Variants in CDK8 observed in about 807,000 individuals in gnomAD.
The protein encoded by CDK8 is cyclin dependent kinase 8.
A neutral mutation model predicts 71.5 loss-of-function variants in CDK8; 29 were observed. That is an observed-to-expected ratio of 0.41 (90% confidence interval 0.30 to 0.55). The LOEUF is 0.55. Ranked by LOEUF, CDK8 falls within the 20% of genes least tolerant of loss-of-function variation. The probability of loss-of-function intolerance (pLI) is 0.37; values close to 1 mark genes in which losing one functional copy is unlikely to be tolerated. For synonymous variants in CDK8, 161 were observed against 192.1 expected (o/e 0.84, Z 1.34); for missense variants, 288 against 572.6 (o/e 0.50, Z 5.07).
chr13:26,254,589 A>AC lies in CDK8; in HGVS notation c.-49dup. 1.4e-5 allele frequency: 10 copies of AC among 702,978 alleles called. No individual in the cohort carries two copies. The highest frequency in any genetic ancestry group is 8.3e-5 in the Admixed American group (3 of 36,008). The allele number at this position is 702,978 out of a possible 1,614,324, so 43.5% of individuals were successfully genotyped here. On this transcript the variant is annotated 5_prime_UTR_variant, in exon 1 of 13. Coordinates refer to ENST00000381527, the MANE Select transcript of CDK8 (RefSeq NM_001260.3). This position sits in a 1 kb window ranked among gnomAD's most constrained non-coding sequence, Gnocchi z 6.7. Reference sequence around the variant, plus strand: ...GGCTGCCCGTGCTTCCCCGGTCCCCACCCCTGCCCCCCGGCCCCCCGACCC... The same window carrying AC: ...GGCTGCCCGTGCTTCCCCGGTCCCCACCCCCTGCCCCCCGGCCCCCCGACCC...
chr13:26,321,598 A>G (rs1450673063), intron 1 of CDK8, among the ~76,000 whole-genome samples: 3 of 152,192 alleles, frequency 2.0e-5, no homozygotes, highest in African/African-American at 7.2e-5. Context: ...GTAATAAGCT[A>G]TGTAAACTAT....
chr13:26,332,488 C>CATATATATATATAT (rs71188722), intron 1 of CDK8, among the ~76,000 whole-genome samples: 1 of 148,210 alleles, frequency 6.7e-6, no homozygotes, highest in East Asian at 2.0e-4. Context: ...CCATATAATA[C>CATATATATATATAT]ATATATATAT....
chr13:26,254,857 G>T lies in CDK8; in HGVS notation c.128+88G>T. 7 of 1,541,454 alleles carry T rather than the reference G, an allele frequency of 4.5e-6. No individual in the cohort carries two copies. The Admixed American group carries it at 9.7e-5, about 21-fold the overall frequency. Reference sequence around the variant, plus strand: ...AGCCCGGAGGGAGAGCGGGCCGCCGGGGTGCCGGGCTCTGACTTCCTCGAC... The same window carrying T: ...AGCCCGGAGGGAGAGCGGGCCGCCGTGGTGCCGGGCTCTGACTTCCTCGAC... On this transcript the variant is annotated intron_variant, in intron 1 of 12. Transcript: ENST00000381527. The surrounding 1 kb of genome is among the most constrained non-coding windows in gnomAD (Gnocchi z 6.7).
At chr13:26,342,865 A>T (rs1035241600) in intron 2 of CDK8, among the ~76,000 whole-genome samples, 4 of 152,188 alleles carry the variant, frequency 2.6e-5, no homozygotes, top group Non-Finnish European at 5.9e-5. Context: ...TTGTTTTCTT[A>T]TAGTTGTGGA....
intron 1 of CDK8, among the ~76,000 whole-genome samples, chr13:26,291,060 A>T (rs1219426355): frequency 6.6e-6 from 1 of 151,130 alleles, no homozygotes; most frequent in Admixed American, 6.6e-5. Context: ...CAGAGGTTGC[A>T]GTGAGCCAGG....
intron 1 of CDK8, among the ~76,000 whole-genome samples, chr13:26,327,105 G>A (rs55907747): frequency 1.3e-5 from 2 of 152,086 alleles, no homozygotes; most frequent in African/African-American, 2.4e-5. Context: ...AGTAGTTATT[G>A]TACCAGTTTT....
At chr13:26,368,386 C>T (rs1484341808) in intron 4 of CDK8, among the ~76,000 whole-genome samples, 1 of 152,148 alleles carries the variant, frequency 6.6e-6, no homozygotes, top group Non-Finnish European at 1.5e-5. Flanking sequence ...CAATATCTTC[C>T]CACCTGGGAG....
intron 1 of CDK8, among the ~76,000 whole-genome samples, chr13:26,319,207 C>T (rs1303755223): frequency 6.6e-6 from 1 of 152,054 alleles, no homozygotes; most frequent in East Asian, 1.9e-4. Context: ...GTGGCTTATG[C>T]CTGTAATCCC....
In CDK8 at chr13:26,254,836, C is replaced by A; in HGVS notation, c.128+67C>A. 3 of 1,577,760 alleles carry A rather than the reference C, an allele frequency of 1.9e-6. No homozygotes were observed. Among genetic ancestry groups the A allele is most frequent in the Non-Finnish European group, 2.6e-6 (3 of 1,159,348 alleles). On this transcript the variant is annotated intron_variant, in intron 1 of 12. Transcript: ENST00000381527. This position sits in a 1 kb window ranked among gnomAD's most constrained non-coding sequence, Gnocchi z 6.7. ...CTCCCGCAGGCCGAGGCAGGTAGCC[C>A]GGAGGGAGAGCGGGCCGCCGGGGTG...
intron 1 of CDK8, among the ~76,000 whole-genome samples, chr13:26,310,847 T>G (rs957358081): frequency 6.6e-6 from 1 of 152,200 alleles, no homozygotes; most frequent in Non-Finnish European, 1.5e-5. Flanking sequence ...TTCTCAAAGT[T>G]ACTTTGTTCA....
rs373096518 is a variant in CDK8, at chr13:26,404,750, TGACTG to T, written c.*671_*675del. On this transcript the variant is annotated 3_prime_UTR_variant, in exon 13 of 13. Coordinates refer to ENST00000381527, the MANE Select transcript of CDK8 (RefSeq NM_001260.3). ...TTGTTTTTATTTTCAATCTATGACT[TGACTG>T]GTATTAAAGCTGCTATTTGATAGTA... 57 of 223,980 alleles carry T rather than the reference TGACTG, an allele frequency of 2.5e-4. No individual in the cohort carries two copies. Among genetic ancestry groups the T allele is most frequent in the African/African-American group, 1.2e-3 (52 of 45,008 alleles). 13.9% of individuals were successfully genotyped at this position (223,980 alleles called of 1,614,324 possible). A position where few individuals can be genotyped will look rare whatever the true frequency, so the allele number is the denominator to read the frequency against.
intron 1 of CDK8, among the ~76,000 whole-genome samples, chr13:26,334,095 A>C (rs1179659105): frequency 6.6e-6 from 1 of 152,182 alleles, no homozygotes. Flanking sequence ...TCTTTCTAAT[A>C]ATCTACTTTT....
In CDK8 at chr13:26,287,759, A is replaced by T. The variant is rs193073319; in HGVS notation, c.128+32990A>T. ...AAATAGATCAAATAATTCTAAAAAAAAGTAAATGATTGAAAGAAGTCAAAA... is the reference window on the plus strand; with the variant it reads ...AAATAGATCAAATAATTCTAAAAAATAGTAAATGATTGAAAGAAGTCAAAA... On this transcript the variant is annotated intron_variant, in intron 1 of 12. Transcript: ENST00000381527. Among the ~76,000 whole-genome samples, 75 of 152,348 alleles carry T rather than the reference A, an allele frequency of 4.9e-4. No individual in the cohort carries two copies. In the South Asian group the frequency reaches 5.6e-3, roughly 11 times the overall value.
Position 26,280,579 on chromosome 13 carries a change from G to A in CDK8, c.128+25810G>A, listed in dbSNP as rs140275907. Among the ~76,000 whole-genome samples, 65 of 152,318 alleles carry A rather than the reference G, an allele frequency of 4.3e-4. No individual in the cohort carries two copies. The East Asian group carries it at 0.011, about 25-fold the overall frequency. On this transcript the variant is annotated intron_variant, in intron 1 of 12. Transcript: ENST00000381527. ...TTTGTTTCACTGAAAAATAATGAAT[G>A]TCAGCATCTTTTCATATGATTAATG...
chr13:26,282,109 G>A (rs1041965734), intron 1 of CDK8, among the ~76,000 whole-genome samples: 1 of 151,984 alleles, frequency 6.6e-6, no homozygotes, highest in African/African-American at 2.4e-5. Context: ...TGGTCCTGAG[G>A]AAGATGAGAA....
intron 1 of CDK8, among the ~76,000 whole-genome samples, chr13:26,292,301 G>C (rs191270481): frequency 1.9e-4 from 29 of 152,306 alleles, no homozygotes; most frequent in Non-Finnish European, 2.8e-4. Flanking sequence ...TTCCCAGAAA[G>C]AGCAGCAGCA....
chr13:26,361,425 C>T (rs928616960), intron 4 of CDK8, among the ~76,000 whole-genome samples: 4 of 152,162 alleles, frequency 2.6e-5, no homozygotes, highest in African/African-American at 9.7e-5. Flanking sequence ...ATTTAATACA[C>T]CTAAACTACC....
intron 1 of CDK8, among the ~76,000 whole-genome samples, chr13:26,269,481 A>G (rs184392306): frequency 1.3e-3 from 195 of 152,316 alleles, no homozygotes; most frequent in African/African-American, 3.7e-3. Context: ...GGAAGTAAGT[A>G]AAAAACTTAA....
At position 26,321,915 on chromosome 13, in the gene CDK8, G is replaced by A. The variant is rs552636362; in HGVS notation, c.129-15652G>A. Among the ~76,000 whole-genome samples the A allele has an allele frequency of 4.6e-5, 7 of 152,134 alleles. No individual in the cohort carries two copies. In the South Asian group the frequency reaches 1.5e-3, roughly 32 times the overall value. On this transcript the variant is annotated intron_variant, in intron 1 of 12. Transcript: ENST00000381527. ...ATGAATACCCTATTATACATACTTAGAGACATGTAAAATAGATATTTTATA... is the reference window on the plus strand; with the variant it reads ...ATGAATACCCTATTATACATACTTAAAGACATGTAAAATAGATATTTTATA...
Sources: allele counts gnomAD v4.1 joint callset (sites outside exome capture counted in the v4.1 genomes callset), GRCh38; gene constraint gnomAD v4.1.1; non-coding constraint Gnocchi (gnomAD v3.1); transcripts MANE v1.5; gene names NCBI Gene and HGNC (gene_info 2026-07-23, HGNC 2026-07-21).